ZNF730: variants seen among roughly 807,000 people sequenced by gnomAD.
The protein encoded by ZNF730 is zinc finger protein 730.
ZNF730 carries 12 observed loss-of-function variants against 12.6 expected under a neutral mutation model. The ratio of observed to expected loss-of-function variants is 0.95; its 90% CI spans 0.61 to 1.54. The LOEUF (loss-of-function observed/expected upper bound fraction) is 1.54, where lower values mean the gene tolerates loss of function less well. Among genes scored for constraint, ZNF730 ranks in the 40% most tolerant of loss-of-function variants. The probability of loss-of-function intolerance (pLI) is 0.00; values close to 1 mark genes in which losing one functional copy is unlikely to be tolerated. For synonymous variants in ZNF730, 194 were observed against 195.8 expected, an observed-to-expected ratio of 0.99 and a Z score of 0.08; for missense variants, 643 against 583.5, an observed-to-expected ratio of 1.10 and a Z score of -1.05.
intron 1 of ZNF730, chr19:23,128,300 TAATG>T: frequency 1.5e-6 from 1 of 659,724 alleles, no homozygotes; most frequent in East Asian, 2.9e-5. Context: ...ATGCACTACT[TAATG>T]AAGGATGATG....
intron 3 of ZNF730, among the ~76,000 whole-genome samples, chr19:23,142,687 C>CAAAAA (rs55654522): frequency 2.6e-5 from 2 of 75,606 alleles, no homozygotes; most frequent in African/African-American, 4.9e-5. Context: ...GACTCTGTCT[C>CAAAAA]AAAAAAAAAA....
intron 1 of ZNF730, among the ~76,000 whole-genome samples, chr19:23,128,854 A>T (rs1405023527): frequency 1.3e-5 from 2 of 152,142 alleles, no homozygotes; most frequent in South Asian, 4.1e-4. Flanking sequence ...CTAAAAGAAA[A>T]AGACGGCTTT....
chr19:23,140,177 T>C (rs1970894278), intron 3 of ZNF730, among the ~76,000 whole-genome samples: 1 of 152,206 alleles, frequency 6.6e-6, no homozygotes, highest in Non-Finnish European at 1.5e-5. Context: ...GTTTTTTTCT[T>C]GTGTAAGTGA....
intron 3 of ZNF730, among the ~76,000 whole-genome samples, chr19:23,140,997 T>A (rs532170145): frequency 7.2e-5 from 11 of 152,004 alleles, no homozygotes; most frequent in Non-Finnish European, 5.9e-5. Context: ...TGGTGGTGTT[T>A]CACATCTGTA....
chr19:23,079,308 C>T (rs1437273410), intron 1 of ZNF730, among the ~76,000 whole-genome samples: 1 of 152,106 alleles, frequency 6.6e-6, no homozygotes, highest in Non-Finnish European at 1.5e-5. Flanking sequence ...CAGGCATGCG[C>T]CACCACGCCC....
At chr19:23,116,551 C>A (rs1390214842), upstream of ZNF730, among the ~76,000 whole-genome samples, 1 of 147,878 alleles carries the variant, frequency 6.8e-6, no homozygotes, top group Non-Finnish European at 1.5e-5. Context: ...GGATTACAGG[C>A]GCGCGCCACT....
chr19:23,100,104 G>A (rs1970312548), intron 1 of ZNF730: 1 of 152,086 alleles, frequency 6.6e-6, no homozygotes, highest in South Asian at 2.1e-4. Flanking sequence ...TCTTCATCCT[G>A]GACCCTGTCT....
At chr19:23,139,980 C>T (rs1027256449) in intron 3 of ZNF730, among the ~76,000 whole-genome samples, 4 of 151,884 alleles carry the variant, frequency 2.6e-5, no homozygotes, top group African/African-American at 9.7e-5. Context: ...CAGTTTTAGG[C>T]GGTTTGCAAC....
At chr19:23,088,875 G>A (rs73029417) in intron 1 of ZNF730, among the ~76,000 whole-genome samples, 8,196 of 151,950 alleles carry the variant, frequency 0.054, 252 homozygotes, top group Middle Eastern at 0.088. Context: ...TTGGTTGGTG[G>A]GTTGGTTGGT....
At chr19:23,081,359 G>A (rs144469435) in intron 1 of ZNF730, among the ~76,000 whole-genome samples, 143 of 151,924 alleles carry the variant, frequency 9.4e-4, no homozygotes, top group Admixed American at 3.5e-3. Flanking sequence ...TCTCTCAGTC[G>A]CCCAGGCTGG....
Position 23,146,237 on chromosome 19 carries a change from G to A in ZNF730, c.1193G>A (p.Cys398Tyr). Residue 398 changes from cysteine (C) to tyrosine (Y), a missense_variant, in exon 4 of 4, where the codon TGT (cysteine) becomes TAT (tyrosine). Transcript: ENST00000597761. ...CATACTGTAGAGAAATTTTACAAAT[G>A]TGAAGAATGTGGCAAAGCCTTTAGC... ...IIHTVEKFYK[C>Y]EECGKAFSRI... 6.2e-7 allele frequency: 1 copy of A among 1,613,168 alleles called. No homozygotes were observed. The highest frequency in any genetic ancestry group is 2.2e-5 in the East Asian group (1 of 44,832).
In ZNF730 at chr19:23,145,669, G is replaced by A. The variant is rs1222607290; in HGVS notation, c.625G>A (p.Ala209Thr). 2.6e-6 allele frequency: 4 copies of A among 1,556,318 alleles called. No individual in the cohort carries two copies. The African/African-American group carries it at 4.1e-5, about 16-fold the overall frequency. The change falls in exon 4 of 4, where the codon GCC becomes ACC. Residue 209 changes from alanine to threonine, a missense_variant. By Grantham distance (58) the Ala-to-Thr change is moderately conservative. Coordinates refer to ENST00000597761, the MANE Select transcript of ZNF730 (RefSeq NM_001277403.2). ...KSYKCEEYGK[A>T]FNESSNCTTH... The stretch of plus-strand genomic sequence containing the variant: ...CTACAAATGTGAAGAATATGGCAAA[G>A]CCTTTAATGAGTCCTCAAACTGTAC...
In ZNF730 at chr19:23,146,145, C is replaced by G. The variant is rs746607876; in HGVS notation, c.1101C>G (p.Pro367=). 3 of 1,607,812 alleles carry G rather than the reference C, an allele frequency of 1.9e-6. No individual in the cohort carries two copies. The highest frequency in any genetic ancestry group is 2.5e-6 in the Non-Finnish European group (3 of 1,176,878). The change falls in exon 4 of 4, where the codon CCC becomes CCG. Residue 367 remains proline (P), a synonymous_variant. Coordinates refer to ENST00000597761, the MANE Select transcript of ZNF730 (RefSeq NM_001277403.2). The stretch of plus-strand genomic sequence containing the variant: ...AGATAACTCATACTGGAGGGAAACC[C>G]TACAAATATAAAGAATGTGGTAAAG... ...RHKITHTGGK[P]YKYKECGKAF...
chr19:23,099,555 A>G (rs1970305378), intron 1 of ZNF730, among the ~76,000 whole-genome samples: 1 of 152,206 alleles, frequency 6.6e-6, no homozygotes, highest in African/African-American at 2.4e-5. Context: ...TTCTGTCCAC[A>G]GTTGGGTTGA....
intron 1 of ZNF730, among the ~76,000 whole-genome samples, chr19:23,123,001 T>C (rs559513435): frequency 2.8e-4 from 43 of 152,174 alleles, no homozygotes; most frequent in Non-Finnish European, 2.8e-4. Flanking sequence ...ATTTATCCAA[T>C]AGGATAATTA....
chr19:23,090,369 T>C (rs1472457053), intron 1 of ZNF730, among the ~76,000 whole-genome samples: 1 of 152,106 alleles, frequency 6.6e-6, no homozygotes, highest in African/African-American at 2.4e-5. Flanking sequence ...GCCCTAGAGA[T>C]TTGTGGAACT....
intron 1 of ZNF730, among the ~76,000 whole-genome samples, chr19:23,075,950 CAG>C (rs1969852079): frequency 6.6e-6 from 1 of 152,070 alleles, no homozygotes; most frequent in Admixed American, 6.6e-5. Context: ...TTTATGAACA[CAG>C]GGGACTAGAG....
At chr19:23,127,303 A>G (rs113212095) in intron 1 of ZNF730, 7 of 678,972 alleles carry the variant, frequency 1.0e-5, no homozygotes, top group Middle Eastern at 3.5e-4. Flanking sequence ...CCAAGAAGAC[A>G]TGGAAATTTA....
Position 23,146,027 on chromosome 19 carries a change from C to T in ZNF730, c.983C>T (p.Thr328Ile). ...GCTTTTAAGTGGTCCTCAACCCTTA[C>T]AAAACATAAAAGAATTCATAATGGA... ...GKAFKWSSTL[T>I]KHKRIHNGEK... Residue 328 changes from threonine to isoleucine, a missense_variant, in exon 4 of 4, where the codon ACA becomes ATA. Coordinates refer to ENST00000597761, the MANE Select transcript of ZNF730 (RefSeq NM_001277403.2). 1 of 1,609,112 alleles carries T rather than the reference C, an allele frequency of 6.2e-7. No homozygotes were observed. Among genetic ancestry groups the T allele is most frequent in the Non-Finnish European group, 8.5e-7 (1 of 1,178,562 alleles).
Sources: gnomAD v4.1 joint callset for allele counts (sites outside exome capture counted in the v4.1 genomes callset) on GRCh38, gnomAD v4.1.1 for gene constraint, MANE v1.5 for transcripts, NCBI Gene and HGNC (gene_info 2026-07-23, HGNC 2026-07-21) for gene names.